C1QTNF3: variants seen among roughly 807,000 people sequenced by gnomAD.
C1QTNF3 encodes C1q and TNF related 3.
Under a neutral mutation model 32.6 loss-of-function variants are expected in C1QTNF3, and 26 were observed. That is an observed-to-expected ratio of 0.80 (90% CI 0.58 to 1.11). The LOEUF (loss-of-function observed/expected upper bound fraction) is 1.11. Ranked by LOEUF, C1QTNF3 falls within the 50% of genes least tolerant of loss-of-function variation. The pLI is 0.00. For missense variants in C1QTNF3, 362 were observed against 398.2 expected (o/e 0.91, Z 0.77); for synonymous variants, 155 against 146.0 (o/e 1.06, Z -0.44).
At chr5:34,083,945 G>A in the C1QTNF3 span, among the ~76,000 whole-genome samples, 2 of 151,594 alleles carry the variant, frequency 1.3e-5, no homozygotes, top group South Asian at 2.1e-4. Flanking sequence ...CTTATAAATC[G>A]GTTTCACTAT....
chr5:34,127,588 CTTTTTTT>C, the C1QTNF3 span, among the ~76,000 whole-genome samples: 1 of 141,208 alleles, frequency 7.1e-6, no homozygotes, highest in Admixed American at 7.0e-5. Flanking sequence ...TTTTCTTTTC[CTTTTTTT>C]TTTTTTTTTT....
chr5:34,147,711 T>C, the C1QTNF3 span, among the ~76,000 whole-genome samples: 1 of 152,094 alleles, frequency 6.6e-6, no homozygotes, highest in African/African-American at 2.4e-5. Flanking sequence ...CTACTTATCA[T>C]GTACTATGCT....
chr5:34,026,653 G>C (rs1266829948), intron 4 of C1QTNF3, among the ~76,000 whole-genome samples: 1 of 152,046 alleles, frequency 6.6e-6, no homozygotes, highest in African/African-American at 2.4e-5. Context: ...CCTGGCAGCA[G>C]GGGAGGGAGC....
At chr5:34,157,559 T>C in the C1QTNF3 span, among the ~76,000 whole-genome samples, 4 of 152,222 alleles carry the variant, frequency 2.6e-5, no homozygotes, top group African/African-American at 9.7e-5. Flanking sequence ...ATCCTCGTTA[T>C]TCTGTTTGGC....
the C1QTNF3 span, chr5:34,176,101 G>A: frequency 7.4e-6 from 4 of 538,606 alleles, no homozygotes; most frequent in Non-Finnish European, 1.3e-5. Context: ...CTAGGGTAAA[G>A]ACAGTCAGGG....
chr5:34,121,991 C>T, the C1QTNF3 span, among the ~76,000 whole-genome samples: 1 of 152,176 alleles, frequency 6.6e-6, no homozygotes, highest in African/African-American at 2.4e-5. Flanking sequence ...TCTTAAACTT[C>T]CCTGCCTCTA....
chr5:34,213,819 T>G, the C1QTNF3 span, among the ~76,000 whole-genome samples: 11 of 9,090 alleles, frequency 1.2e-3, 2 homozygotes, highest in African/African-American at 1.9e-3. Context: ...ATTTTTTTTT[T>G]TTTGTGTGTG....
chr5:34,170,944 T>C, the C1QTNF3 span, among the ~76,000 whole-genome samples: 2 of 152,108 alleles, frequency 1.3e-5, no homozygotes, highest in African/African-American at 4.8e-5. Flanking sequence ...ATCCCAGAGA[T>C]TGAGGGAGGT....
At chr5:34,207,762 A>G in the C1QTNF3 span, among the ~76,000 whole-genome samples, 1 of 152,236 alleles carries the variant, frequency 6.6e-6, no homozygotes, top group Admixed American at 6.5e-5. Flanking sequence ...GGATAACTCA[A>G]ATTGTGTGAC....
chr5:34,134,591 AAGCGAAGTACAATAC>A, the C1QTNF3 span, among the ~76,000 whole-genome samples: 5 of 152,220 alleles, frequency 3.3e-5, no homozygotes, highest in Admixed American at 3.3e-4. Context: ...CTTAAGTATT[AAGCGAAGTACAATAC>A]AGAAAGTGAC....
At chr5:34,234,022 T>C in the C1QTNF3 span, among the ~76,000 whole-genome samples, 3 of 152,268 alleles carry the variant, frequency 2.0e-5, no homozygotes, top group South Asian at 6.2e-4. Flanking sequence ...CAATATAAGT[T>C]TGTTCTAAGA....
the C1QTNF3 span, among the ~76,000 whole-genome samples, chr5:34,073,347 T>C: frequency 1.3e-5 from 2 of 151,372 alleles, no homozygotes; most frequent in African/African-American, 4.9e-5. Flanking sequence ...AAAAAAGTAA[T>C]TGTATGTGTG....
the C1QTNF3 span, among the ~76,000 whole-genome samples, chr5:34,063,520 G>C: frequency 6.6e-6 from 1 of 152,054 alleles, no homozygotes; most frequent in Admixed American, 6.5e-5. Context: ...TGTACTGGTG[G>C]GGGGGCTGGG....
chr5:34,108,254 ACT>A, the C1QTNF3 span, among the ~76,000 whole-genome samples: 1 of 151,856 alleles, frequency 6.6e-6, no homozygotes, highest in Admixed American at 6.6e-5. Context: ...TTTATTATTG[ACT>A]CTCTTGGAGT....
chr5:34,243,193 A>C, the C1QTNF3 span, among the ~76,000 whole-genome samples: 24 of 152,354 alleles, frequency 1.6e-4, no homozygotes, highest in East Asian at 4.4e-3. Context: ...AAGACACTCA[A>C]GTATATGAAA....
At chr5:34,163,274 C>G in the C1QTNF3 span, among the ~76,000 whole-genome samples, 1,978 of 151,944 alleles carry the variant, frequency 0.013, 50 homozygotes, top group African/African-American at 0.046. Context: ...GTACAACAAC[C>G]CCCCCATGAC....
At chr5:34,218,452 T>C in the C1QTNF3 span, 1 of 150,412 alleles carries the variant, frequency 6.6e-6, no homozygotes, top group Non-Finnish European at 1.5e-5. Context: ...GACTGCTCTC[T>C]GCAAGAAAAA....
the C1QTNF3 span, among the ~76,000 whole-genome samples, chr5:34,087,570 CTTTTTTTTT>C: frequency 2.8e-3 from 198 of 70,036 alleles, 1 homozygote; most frequent in African/African-American, 0.01. Context: ...ACGCTTTTGT[CTTTTTTTTT>C]TTTTTTTTTT....
At chr5:34,224,411 G>T in the C1QTNF3 span, among the ~76,000 whole-genome samples, 1 of 152,108 alleles carries the variant, frequency 6.6e-6, no homozygotes, top group Non-Finnish European at 1.5e-5. Context: ...ATACTACAAG[G>T]CTACAGTAAC....
Sources: allele counts gnomAD v4.1 joint callset (sites outside exome capture counted in the v4.1 genomes callset), GRCh38; gene constraint gnomAD v4.1.1; transcripts MANE v1.5; gene names NCBI Gene and HGNC (gene_info 2026-07-23, HGNC 2026-07-21).